Variants in ADGRV1 observed in about 807,000 individuals in gnomAD.
ADGRV1 encodes the protein G-protein coupled receptor 98.
A neutral mutation model predicts 596.2 loss-of-function variants in ADGRV1; 359 were observed. The ratio of observed to expected loss-of-function variants is 0.60; its 90% CI spans 0.55 to 0.66. The LOEUF is 0.66. Among genes scored for constraint, ADGRV1 ranks in the 30% least tolerant of loss-of-function variants. ADGRV1 has a pLI of 0.00. For missense variants in ADGRV1, 7,274 were observed against 7,575.6 expected (o/e 0.96, Z 1.48); for synonymous variants, 2,681 against 2,679.2 (o/e 1.00, Z -0.02).
chr5:90,946,268 G>C (rs551953875), intron 83 of ADGRV1, among the ~76,000 whole-genome samples: 4 of 152,184 alleles, frequency 2.6e-5, no homozygotes, highest in Admixed American at 2.6e-4. Context: ...TGAGGTGACA[G>C]AGTAGATAGG....
chr5:90,612,964 T>G (rs991347714), intron 1 of ADGRV1, among the ~76,000 whole-genome samples: 9 of 152,110 alleles, frequency 5.9e-5, no homozygotes, highest in Non-Finnish European at 1.2e-4. Context: ...TTCCTGGTCC[T>G]CACTTTAGAC....
At chr5:90,634,688 A>G (rs960041922) in intron 9 of ADGRV1, among the ~76,000 whole-genome samples, 1 of 152,116 alleles carries the variant, frequency 6.6e-6, no homozygotes, top group African/African-American at 2.4e-5. Context: ...CAAGGAGGAA[A>G]AGCAGGTGGT....
intron 4 of ADGRV1, among the ~76,000 whole-genome samples, chr5:90,619,962 T>G: frequency 6.6e-6 from 1 of 152,138 alleles, no homozygotes; most frequent in East Asian, 1.9e-4. Context: ...TAGTATTCCA[T>G]GGTGTATTGT....
chr5:90,776,568 T>G lies in ADGRV1; in HGVS notation c.12519T>G (p.Ala4173=). 6.2e-7 allele frequency: 1 copy of G among 1,613,234 alleles called. No individual in the cohort carries two copies. The highest frequency in any genetic ancestry group is 8.5e-7 in the Non-Finnish European group (1 of 1,179,386). The change falls in exon 61 of 90, where the codon GCT becomes GCG. Residue 4173 remains alanine (A), a synonymous_variant. Coordinates refer to ENST00000405460, the MANE Select transcript of ADGRV1 (RefSeq NM_032119.4). ...GEPSAKYNGT[A]IISLVRGPGI... Reference sequence around the variant, plus strand: ...CCTCAGCAAAATATAATGGTACCGCTATTATCAGGTAAGGACTTCATGATT... The same window carrying G: ...CCTCAGCAAAATATAATGGTACCGCGATTATCAGGTAAGGACTTCATGATT...
intron 45 of ADGRV1, 66 bp from the exon 46 acceptor site, chr5:90,724,766 A>G: frequency 1.4e-6 from 2 of 1,411,780 alleles, no homozygotes; most frequent in Non-Finnish European, 2.0e-6. Context: ...TGTTTAAACA[A>G]TAAATTAGAA....
At chr5:91,073,373 A>G (rs1364223788) in intron 86 of ADGRV1, among the ~76,000 whole-genome samples, 2 of 152,178 alleles carry the variant, frequency 1.3e-5, no homozygotes, top group Non-Finnish European at 2.9e-5. Context: ...CTAAAGTTTT[A>G]CAAGTCTAAA....
intron 85 of ADGRV1, among the ~76,000 whole-genome samples, chr5:91,020,392 T>C (rs1039851340): frequency 6.6e-6 from 1 of 152,080 alleles, no homozygotes; most frequent in Non-Finnish European, 1.5e-5. Flanking sequence ...CCATTACATA[T>C]GACTTTTCAT....
intron 83 of ADGRV1, chr5:90,899,346 G>A (rs1366182682): frequency 1.3e-5 from 2 of 152,142 alleles, no homozygotes; most frequent in African/African-American, 4.8e-5. Context: ...CTTTCAGGGT[G>A]GTATTTCTGG....
chr5:90,979,288 C>A (rs1581697455), intron 84 of ADGRV1, among the ~76,000 whole-genome samples: 1 of 151,960 alleles, frequency 6.6e-6, no homozygotes, highest in African/African-American at 2.4e-5. Flanking sequence ...CCGCCTTATC[C>A]TCCTGAGTAG....
At chr5:90,831,844 G>A (rs891118846) in intron 77 of ADGRV1, among the ~76,000 whole-genome samples, 9 of 152,152 alleles carry the variant, frequency 5.9e-5, no homozygotes, top group Admixed American at 1.3e-4. Context: ...GTTTCTCTGC[G>A]TGGCCTATTT....
chr5:90,825,487 A>T (rs1763996672), intron 76 of ADGRV1, among the ~76,000 whole-genome samples: 1 of 152,214 alleles, frequency 6.6e-6, no homozygotes, highest in Non-Finnish European at 1.5e-5. Context: ...TGCATACATG[A>T]TTACTAAATA....
chr5:90,662,438 C>G (rs1321277278), intron 21 of ADGRV1, among the ~76,000 whole-genome samples: 1 of 151,972 alleles, frequency 6.6e-6, no homozygotes. Context: ...CGTGATCCAC[C>G]TACCTCAGCC....
intron 85 of ADGRV1, chr5:91,031,225 C>T: frequency 1.9e-6 from 3 of 1,589,318 alleles, no homozygotes; most frequent in Non-Finnish European, 2.6e-6. Context: ...CCATGTGGTT[C>T]CTTCAAGGGG....
In ADGRV1 at chr5:90,798,943, A is replaced by G. The variant is rs149385985; in HGVS notation, c.14518-3796A>G. ...AATGTATCTCAAAATAATAAGAGCT[A>G]TTTATGACAAACCCACAACCAATAT... On this transcript the variant is annotated intron_variant, in intron 70 of 89. Coordinates refer to ENST00000405460, the MANE Select transcript of ADGRV1 (RefSeq NM_032119.4). 8.1e-3 allele frequency among the ~76,000 whole-genome samples: 1,235 copies of G among 152,298 alleles called. 17 individuals are homozygous for G. Among genetic ancestry groups the G allele is most frequent in the African/African-American group, 0.028 (1,180 of 41,552 alleles).
chr5:90,696,910 G>T, intron 33 of ADGRV1, 27 bp from the exon 34 acceptor site: 5 of 1,569,482 alleles, frequency 3.2e-6, no homozygotes, highest in Non-Finnish European at 3.5e-6. Context: ...TGTTACTTTG[G>T]TTTTTATTCC....
At chr5:90,620,428 G>A (rs1763911895) in intron 4 of ADGRV1, among the ~76,000 whole-genome samples, 1 of 152,122 alleles carries the variant, frequency 6.6e-6, no homozygotes, top group South Asian at 2.1e-4. Flanking sequence ...CATATCCTTT[G>A]CCCACTTTTT....
chr5:90,947,847 G>C (rs2150892592), intron 83 of ADGRV1, among the ~76,000 whole-genome samples: 1 of 152,196 alleles, frequency 6.6e-6, no homozygotes, highest in Middle Eastern at 3.4e-3. Context: ...ATGGCATAAT[G>C]ACATTAATAT....
At chr5:90,614,737 C>G (rs766077907) in intron 1 of ADGRV1, 98 bp from the exon 2 acceptor site, 3 of 913,188 alleles carry the variant, frequency 3.3e-6, no homozygotes, top group Non-Finnish European at 3.5e-6. Context: ...TGTTTGCTGT[C>G]TAACTCTTCA....
Position 91,130,522 on chromosome 5 carries a change from C to CAAA in ADGRV1, c.18433-19489_18433-19487dup, listed in dbSNP as rs11423089. Reference sequence around the variant, plus strand: ...GGGTGACAAGAGTGAAACTCCATCTCAAAAAAAAAAAAAAAAAAAAAGTCT... The same window carrying CAAA: ...GGGTGACAAGAGTGAAACTCCATCTCAAAAAAAAAAAAAAAAAAAAAAAAGTCT... On this transcript the variant is annotated intron_variant, in intron 87 of 89. Coordinates refer to ENST00000405460, the MANE Select transcript of ADGRV1 (RefSeq NM_032119.4). Among the ~76,000 whole-genome samples the CAAA allele has an allele frequency of 1.9e-3, 141 of 72,488 alleles. 2 individuals carry two copies. The highest frequency in any genetic ancestry group is 2.1e-3 in the Admixed American group (11 of 5,214). The allele number at this position is 72,488 out of a possible 152,430, so 47.6% of individuals were successfully genotyped here.
Sources: gnomAD v4.1 joint callset for allele counts (sites outside exome capture counted in the v4.1 genomes callset) on GRCh38, gnomAD v4.1.1 for gene constraint, MANE v1.5 for transcripts, NCBI Gene and HGNC (gene_info 2026-07-23, HGNC 2026-07-21) for gene names.